ZNF473: variants seen among roughly 807,000 people sequenced by gnomAD.
ZNF473 encodes zinc finger protein 473, also known as zinc finger protein 100 homolog.
In ZNF473, 4 loss-of-function variants were observed where a neutral mutation model predicts 11.1. That is an observed-to-expected ratio of 0.36 (90% CI 0.18 to 0.82). The LOEUF is 0.82. Ranked by LOEUF, ZNF473 falls within the 40% of genes least tolerant of loss-of-function variation. ZNF473 has a pLI of 0.49. For missense variants in ZNF473, 854 were observed against 1,084.0 expected, an observed-to-expected ratio of 0.79 and a Z score of 2.98; for synonymous variants, 404 against 390.4, an observed-to-expected ratio of 1.03 and a Z score of -0.41.
At chr19:50,042,847 A>G (rs1322274514) in intron 4 of ZNF473, 5 of 152,214 alleles carry the variant, frequency 3.3e-5, no homozygotes, top group African/African-American at 1.2e-4. Context: ...CATGAGCACA[A>G]GTGTGGTGAG....
intron 2 of ZNF473, among the ~76,000 whole-genome samples, chr19:50,038,364 C>T (rs1001616955): frequency 2.0e-5 from 3 of 151,910 alleles, no homozygotes; most frequent in African/African-American, 7.3e-5. Context: ...GTTACCCAAG[C>T]GGACCTGGTA....
At chr19:50,028,241 C>G (rs1364885969) in intron 1 of ZNF473, among the ~76,000 whole-genome samples, 1 of 148,194 alleles carries the variant, frequency 6.7e-6, no homozygotes, top group Non-Finnish European at 1.5e-5. Context: ...GAGCTTGCAG[C>G]GAGCTGAGAT....
chr19:50,037,401 G>T (rs960724927), intron 2 of ZNF473, among the ~76,000 whole-genome samples: 2 of 152,120 alleles, frequency 1.3e-5, no homozygotes, highest in African/African-American at 4.8e-5. Context: ...ATGTGCCTGT[G>T]CCCACACTGA....
rs900574876 is a variant in ZNF473 at position 50,039,080 on chromosome 19, G to T, written c.10-81G>T. 7.6e-6 allele frequency: 12 copies of T among 1,568,958 alleles called. No individual in the cohort carries two copies. In the African/African-American group the frequency reaches 1.5e-4, roughly 19 times the overall value. ...TTTTGCCAAAGCCCTGGCAGATTGA[G>T]GGCTGGGAGTGCCCTGAGTGAGCTG... On this transcript the variant is annotated intron_variant, in intron 2 of 4. Coordinates refer to ENST00000270617, the MANE Select transcript of ZNF473 (RefSeq NM_015428.4). The surrounding 1 kb of genome is among the most constrained non-coding windows in gnomAD (Gnocchi z 4.8).
chr19:50,041,593 TG>T (rs1321915607), intron 3 of ZNF473, 136 bp from the exon 4 acceptor site: 1 of 674,516 alleles, frequency 1.5e-6, no homozygotes, highest in African/African-American at 1.9e-5. Context: ...AGTCGCCCAG[TG>T]CAGCACCTCG....
rs2077270892 is a variant in ZNF473 at position 50,026,083 on chromosome 19, T to TG, written c.-227dup. ...GTTGAATCTCCCGCTCCCTTGAGGC[T>TG]GGGGTTGCGTCTGTTGACGCGGCCG... On this transcript the variant is annotated 5_prime_UTR_variant, in exon 1 of 5. Coordinates refer to ENST00000270617, the MANE Select transcript of ZNF473 (RefSeq NM_015428.4). The TG allele has an allele frequency of 6.6e-6, 1 of 152,644 alleles. No homozygotes were observed. Among genetic ancestry groups the TG allele is most frequent in the South Asian group, 2.1e-4 (1 of 4,828 alleles). The allele number at this position is 152,644 out of a possible 1,614,324, so 9.5% of individuals were successfully genotyped here.
At position 50,041,766 on chromosome 19, in the gene ZNF473, G is replaced by A. The variant is rs750568270; in HGVS notation, c.173G>A (p.Gly58Asp). ...PRPNLTSHPD[G>D]SEDLEPLAGG... ...CCCAACCTGACCTCCCACCCAGATG[G>A]CAGTGAAGATCTGGAGCCTCTGGCA... The change falls in exon 4 of 5, where the codon GGC becomes GAC. Residue 58 changes from glycine (G) to aspartate (D), a missense_variant. By Grantham distance (94) the Gly-to-Asp change is moderately conservative. Coordinates refer to ENST00000270617, the MANE Select transcript of ZNF473 (RefSeq NM_015428.4). 4.3e-6 allele frequency: 7 copies of A among 1,613,072 alleles called. No homozygotes were observed. Among genetic ancestry groups the A allele is most frequent in the Non-Finnish European group, 5.9e-6 (7 of 1,179,604 alleles).
intron 3 of ZNF473, among the ~76,000 whole-genome samples, chr19:50,040,829 C>T (rs573133018): frequency 6.6e-6 from 1 of 152,368 alleles, no homozygotes; most frequent in East Asian, 1.9e-4. Flanking sequence ...GGCAGACTTT[C>T]TCCAGACTGG....
At chr19:50,036,477 C>G (rs1222131586) in intron 2 of ZNF473, among the ~76,000 whole-genome samples, 1 of 140,800 alleles carries the variant, frequency 7.1e-6, no homozygotes, top group Non-Finnish European at 1.5e-5. Flanking sequence ...CCATGCCCAG[C>G]TAATTTTTTT....
In ZNF473 at chr19:50,047,262, G is replaced by A. The variant is rs1210119859; in HGVS notation, c.*203G>A. 11 of 563,712 alleles carry A rather than the reference G, an allele frequency of 2.0e-5. No homozygotes were observed. The highest frequency in any genetic ancestry group is 3.1e-6 in the Non-Finnish European group (1 of 321,338). 34.9% of individuals were successfully genotyped at this position (563,712 alleles called of 1,614,324 possible). A position where few individuals can be genotyped will look rare whatever the true frequency, so the allele number is the denominator to read the frequency against. On this transcript the variant is annotated 3_prime_UTR_variant, in exon 5 of 5. Coordinates refer to ENST00000270617, the MANE Select transcript of ZNF473 (RefSeq NM_015428.4). ...TCAGGATTCAGAGGTAGGCTCTGGA[G>A]CCAGTCTACCTTGAGTTAAATCCCA...
Position 50,045,281 on chromosome 19 carries a change from C to G in ZNF473, c.838C>G (p.Leu280Val). 1.2e-6 allele frequency: 2 copies of G among 1,614,140 alleles called. No individual in the cohort carries two copies. The highest frequency in any genetic ancestry group is 1.7e-6 in the Non-Finnish European group (2 of 1,180,034). The stretch of plus-strand genomic sequence containing the variant: ...GACAACTTTTAGTCAGAGTACATAC[C>G]TGTGGCATCAGAAAACTCACACTGG... Reference protein sequence around the residue: ...YGTTFSQSTYLWHQKTHTGEK... With the variant: ...YGTTFSQSTYVWHQKTHTGEK... Residue 280 changes from leucine to valine, a missense_variant, in exon 5 of 5, where the codon CTG becomes GTG. Around this residue, in one of 2 missense-constraint regions of ZNF473, gnomAD observed 668 missense variants for 790.2 expected, o/e 0.85. Coordinates refer to ENST00000270617, the MANE Select transcript of ZNF473 (RefSeq NM_015428.4).
chr19:50,027,618 G>A (rs1010199385), intron 1 of ZNF473, among the ~76,000 whole-genome samples: 1 of 152,150 alleles, frequency 6.6e-6, no homozygotes, highest in African/African-American at 2.4e-5. Flanking sequence ...TGAGGGCCAG[G>A]CAGATGACAT....
chr19:50,033,431 T>C (rs1266889403), intron 2 of ZNF473, among the ~76,000 whole-genome samples: 2 of 152,066 alleles, frequency 1.3e-5, no homozygotes, highest in African/African-American at 4.8e-5. Flanking sequence ...GGTCTCTGTC[T>C]TTAAATATGG....
chr19:50,029,369 A>G (rs566445190), intron 1 of ZNF473, among the ~76,000 whole-genome samples: 5 of 152,310 alleles, frequency 3.3e-5, no homozygotes, highest in Admixed American at 3.3e-4. Context: ...GATGGTCTGG[A>G]TCTCCTGACC....
chr19:50,039,088 A>G lies in ZNF473; in HGVS notation c.10-73A>G. 1 of 1,583,592 alleles carries G rather than the reference A, an allele frequency of 6.3e-7. No individual in the cohort carries two copies. Among genetic ancestry groups the G allele is most frequent in the African/African-American group, 1.3e-5 (1 of 74,492 alleles). On this transcript the variant is annotated intron_variant, in intron 2 of 4. Coordinates refer to ENST00000270617, the MANE Select transcript of ZNF473 (RefSeq NM_015428.4). The surrounding 1 kb of genome is among the most constrained non-coding windows in gnomAD (Gnocchi z 4.8). The stretch of plus-strand genomic sequence containing the variant: ...AAGCCCTGGCAGATTGAGGGCTGGG[A>G]GTGCCCTGAGTGAGCTGTTGGGCTC...
chr19:50,036,481 T>A (rs1301034808), intron 2 of ZNF473, among the ~76,000 whole-genome samples: 1 of 78,536 alleles, frequency 1.3e-5, no homozygotes, highest in Non-Finnish European at 2.6e-5. Flanking sequence ...GCCCAGCTAA[T>A]TTTTTTTTTT....
At position 50,039,371 on chromosome 19, in the gene ZNF473, C is replaced by A; in HGVS notation, c.136+84C>A. ...TCTCTACCACCCACAGGGTGAAGTCCTGGCTCCTGGGCTCCTCAGAATCAG... is the reference window on the plus strand; with the variant it reads ...TCTCTACCACCCACAGGGTGAAGTCATGGCTCCTGGGCTCCTCAGAATCAG... On this transcript the variant is annotated intron_variant, in intron 3 of 4. Transcript: ENST00000270617. The surrounding 1 kb of genome is among the most constrained non-coding windows in gnomAD (Gnocchi z 4.8). The A allele has an allele frequency of 6.4e-7, 1 of 1,553,428 alleles. No homozygotes were observed. The highest frequency in any genetic ancestry group is 8.8e-7 in the Non-Finnish European group (1 of 1,139,950).
Position 50,046,515 on chromosome 19 carries a change from A to G in ZNF473, c.2072A>G (p.Gln691Arg). 6.2e-7 allele frequency: 1 copy of G among 1,614,236 alleles called. No individual in the cohort carries two copies. The highest frequency in any genetic ancestry group is 8.5e-7 in the Non-Finnish European group (1 of 1,180,036). Residue 691 changes from glutamine (Q) to arginine (R), a missense_variant, in exon 5 of 5, where the codon CAG (glutamine) becomes CGG (arginine). By Grantham distance (43) the Gln-to-Arg change is conservative. Coordinates refer to ENST00000270617, the MANE Select transcript of ZNF473 (RefSeq NM_015428.4). The surrounding 1 kb of genome is among the most constrained non-coding windows in gnomAD (Gnocchi z 5.9). ...RVFTQRNYLV[Q>R]HERTHARKKP... ...TTCACCCAGAGAAACTACCTTGTTC[A>G]GCATGAGCGAACTCATGCCAGAAAG...
chr19:50,028,655 A>G (rs1299290869), intron 1 of ZNF473, among the ~76,000 whole-genome samples: 3 of 152,140 alleles, frequency 2.0e-5, no homozygotes, highest in African/African-American at 2.4e-5. Flanking sequence ...GCACCAGTGA[A>G]CTAACTTCGT....
Sources: allele counts gnomAD v4.1 joint callset (sites outside exome capture counted in the v4.1 genomes callset), GRCh38; gene constraint gnomAD v4.1.1; regional missense constraint gnomAD v4.1.1; non-coding constraint Gnocchi (gnomAD v3.1); transcripts MANE v1.5; gene names NCBI Gene and HGNC (gene_info 2026-07-23, HGNC 2026-07-21).